The following LAMC3 variants were observed in gnomAD, a reference collection of about 807,000 sequenced individuals.
The protein encoded by LAMC3 is laminin subunit gamma 3.
In LAMC3, 128 loss-of-function variants were observed where a neutral mutation model predicts 173.8. The observed-to-expected ratio is 0.74, with a 90% CI of 0.64 to 0.85. LAMC3 has a LOEUF of 0.85. LAMC3 is among the 40% of genes least tolerant of loss of function. LAMC3 has a pLI of 0.00. For synonymous variants in LAMC3, 897 were observed against 909.1 expected (o/e 0.99, Z 0.24); for missense variants, 2,022 against 2,156.0 (o/e 0.94, Z 1.23).
chr9:131,068,034 C>A, intron 14 of LAMC3, 44 bp from the exon 15 acceptor site: 1 of 1,600,752 alleles, frequency 6.2e-7, no homozygotes, highest in Non-Finnish European at 8.5e-7. Flanking sequence ...TTGGAACAGA[C>A]AATCTGCATT....
chr9:131,065,287 G>A (rs549260333), intron 13 of LAMC3, among the ~76,000 whole-genome samples: 5 of 152,222 alleles, frequency 3.3e-5, no homozygotes, highest in South Asian at 4.1e-4. Context: ...AAGCCCCCTC[G>A]CACAGCATGT....
rs1349116243 is a variant in LAMC3 at position 131,032,606 on chromosome 9, C to CTT, written c.809+432_809+433insTT. 2.9e-5 allele frequency among the ~76,000 whole-genome samples: 4 copies of CTT among 137,992 alleles called. No homozygotes were observed. The East Asian group carries it at 7.8e-4, about 27-fold the overall frequency. 90.5% of individuals were successfully genotyped at this position (137,992 alleles called of 152,430 possible). ...TTGCTCTCTTTCTCACTCGCTTTCT[C>CTT]TCTCTCTCTCTCTCTCTCACTCTCT... On this transcript the variant is annotated intron_variant, in intron 3 of 27. Coordinates refer to ENST00000361069, the MANE Select transcript of LAMC3 (RefSeq NM_006059.4).
At position 131,082,051 on chromosome 9, in the gene LAMC3, C is replaced by T; in HGVS notation, c.3928-8C>T. ...CCAGCTGCCCAGCCTCTCCTCATCT[C>T]TCTCCAGCTGCACCAGGAGGCCAGA... On this transcript the variant is annotated splice_region_variant and splice_polypyrimidine_tract_variant and intron_variant, in intron 23 of 27. Transcript: ENST00000361069. 1 of 1,611,244 alleles carries T rather than the reference C, an allele frequency of 6.2e-7. No homozygotes were observed. Among genetic ancestry groups the T allele is most frequent in the Non-Finnish European group, 8.5e-7 (1 of 1,177,774 alleles).
chr9:131,013,596 T>C (rs36001738), intron 1 of LAMC3, among the ~76,000 whole-genome samples: 35,106 of 152,020 alleles, frequency 0.23, 6,771 homozygotes, highest in African/African-American at 0.53. Context: ...AAGGCAGCCT[T>C]TACTGAGCAG....
chr9:131,046,516 G>GTCTTTTTTTTTTTTTTTT (rs1443313320), intron 8 of LAMC3, among the ~76,000 whole-genome samples: 1 of 38,756 alleles, frequency 2.6e-5, no homozygotes, highest in Non-Finnish European at 5.5e-5. Flanking sequence ...GCTAATTTTT[G>GTCTTTTTTTTTTTTTTTT]TATTTTTTTT....
chr9:131,016,304 T>C (rs1244765123), intron 1 of LAMC3, among the ~76,000 whole-genome samples: 2 of 152,118 alleles, frequency 1.3e-5, no homozygotes, highest in Non-Finnish European at 2.9e-5. Flanking sequence ...TTTGGGAAGA[T>C]GAAAGAGTTC....
intron 13 of LAMC3, among the ~76,000 whole-genome samples, chr9:131,066,498 T>C (rs919915372): frequency 1.9e-4 from 29 of 151,176 alleles, no homozygotes; most frequent in African/African-American, 6.6e-4. Flanking sequence ...ATCTCAATAA[T>C]AATAATAATA....
intron 8 of LAMC3, among the ~76,000 whole-genome samples, chr9:131,047,886 T>G (rs1169540800): frequency 6.7e-6 from 1 of 149,924 alleles, no homozygotes; most frequent in Non-Finnish European, 1.5e-5. Flanking sequence ...ACAAGTAGTT[T>G]TTAAATTTTT....
At chr9:131,055,122 A>C (rs1424579669) in intron 11 of LAMC3, among the ~76,000 whole-genome samples, 4 of 152,158 alleles carry the variant, frequency 2.6e-5, no homozygotes, top group Non-Finnish European at 5.9e-5. Flanking sequence ...TTGGTATTCC[A>C]GTATAAGTGT....
In LAMC3 at chr9:131,026,426, G is replaced by A. The variant is rs776634129; in HGVS notation, c.515G>A (p.Gly172Asp). 1 of 1,613,822 alleles carries A rather than the reference G, an allele frequency of 6.2e-7. No individual in the cohort carries two copies. The highest frequency in any genetic ancestry group is 8.5e-7 in the Non-Finnish European group (1 of 1,179,928). The change falls in exon 2 of 28, where the codon GGC (glycine) becomes GAC (aspartate). Residue 172 changes from glycine to aspartate, a missense_variant. Coordinates refer to ENST00000361069, the MANE Select transcript of LAMC3 (RefSeq NM_006059.4). The surrounding 1 kb of genome is among the most constrained non-coding windows in gnomAD (Gnocchi z 4.8). ...AGCGCCTCCTGCCAGAAGACCTACG[G>A]CCGGCCCGAGGGCCAGTACCTGCGC... is the stretch of plus-strand genomic sequence containing the variant. ...FYSASCQKTY[G>D]RPEGQYLRPG...
intron 27 of LAMC3, among the ~76,000 whole-genome samples, chr9:131,088,537 G>A (rs1830367443): frequency 6.6e-6 from 1 of 152,220 alleles, no homozygotes; most frequent in African/African-American, 2.4e-5. Flanking sequence ...AGACAGGGCA[G>A]TTGGGCTGAA....
chr9:131,015,290 C>T (rs1157310517), intron 1 of LAMC3, among the ~76,000 whole-genome samples: 2 of 152,076 alleles, frequency 1.3e-5, no homozygotes, highest in African/African-American at 2.4e-5. Context: ...AGGTGCCTCC[C>T]GTACTCCTAA....
Position 131,009,382 on chromosome 9 carries a change from C to T in LAMC3, c.168C>T (p.Ser56=). ...CCCAGGCCTCGCACACGTGCGGCAG[C>T]CCGCCCGAGGACTTCTGTCCCCACG... ...RLAQASHTCG[S]PPEDFCPHVG... The change falls in exon 1 of 28, where the codon AGC becomes AGT. Residue 56 remains serine, a synonymous_variant. Coordinates refer to ENST00000361069, the MANE Select transcript of LAMC3 (RefSeq NM_006059.4). This position sits in a 1 kb window ranked among gnomAD's most constrained non-coding sequence, Gnocchi z 4.3. The T allele has an allele frequency of 4.6e-6, 7 of 1,527,614 alleles. No individual in the cohort carries two copies. In the South Asian group the frequency reaches 4.8e-5, roughly 11 times the overall value. The allele number at this position is 1,527,614 out of a possible 1,614,324, so 94.6% of individuals were successfully genotyped here. A position where few individuals can be genotyped will look rare whatever the true frequency, so the allele number is the denominator to read the frequency against.
chr9:131,054,851 GGAAAA>G (rs1436692663), intron 11 of LAMC3, among the ~76,000 whole-genome samples: 2 of 151,900 alleles, frequency 1.3e-5, no homozygotes, highest in African/African-American at 2.4e-5. Context: ...AGCAAGGGAG[GGAAAA>G]GAAAAGAAAG....
intron 7 of LAMC3, among the ~76,000 whole-genome samples, chr9:131,043,943 C>T (rs1449959771): frequency 6.7e-6 from 1 of 148,260 alleles, no homozygotes; most frequent in Non-Finnish European, 1.5e-5. Flanking sequence ...GACTGGGCTG[C>T]ATTTAGTGAC....
At position 131,069,059 on chromosome 9, in the gene LAMC3, G is replaced by A; in HGVS notation, c.2890+9G>A. 6.2e-7 allele frequency: 1 copy of A among 1,613,270 alleles called. No individual in the cohort carries two copies. The highest frequency in any genetic ancestry group is 8.5e-7 in the Non-Finnish European group (1 of 1,179,904). On this transcript the variant is annotated intron_variant, in intron 16 of 27. Transcript: ENST00000361069. ...CATCAAGGGCTGCCGGGGTAAGGAG[G>A]CTGGGTCCTTCCCGGGCTGCCCTGA...
chr9:131,069,796 A>G lies in LAMC3; in HGVS notation c.3015A>G (p.Ala1005=), dbSNP rs1830009239. Residue 1005 remains alanine, a synonymous_variant, in exon 17 of 28, where the codon GCA becomes GCG. Coordinates refer to ENST00000361069, the MANE Select transcript of LAMC3 (RefSeq NM_006059.4). ...GCCACGACAACTTCTTCCTCACGGC[A>G]GACGGCACACACTGCCAGCAATGTC... ...DRCHDNFFLT[A]DGTHCQQCPS... The G allele has an allele frequency of 2.5e-6, 4 of 1,594,706 alleles. No homozygotes were observed. In the South Asian group the frequency reaches 3.4e-5, roughly 14 times the overall value.
At chr9:131,032,762 A>G (rs1042234076) in intron 3 of LAMC3, among the ~76,000 whole-genome samples, 2 of 152,126 alleles carry the variant, frequency 1.3e-5, no homozygotes, top group Non-Finnish European at 2.9e-5. Context: ...TCTGCCTCCC[A>G]GGTTCAAGGT....
intron 24 of LAMC3, among the ~76,000 whole-genome samples, chr9:131,084,010 G>A (rs1830286568): frequency 6.7e-6 from 1 of 148,796 alleles, no homozygotes. Flanking sequence ...GAGTAGCTGG[G>A]ATTACAGGTG....
Sources: allele counts gnomAD v4.1 joint callset (sites outside exome capture counted in the v4.1 genomes callset), GRCh38; gene constraint gnomAD v4.1.1; non-coding constraint Gnocchi (gnomAD v3.1); transcripts MANE v1.5; gene names NCBI Gene and HGNC (gene_info 2026-07-23, HGNC 2026-07-21).